EHBP1L1: variants seen among roughly 807,000 people sequenced by gnomAD.
The protein encoded by EHBP1L1 is EH domain binding protein 1 like 1, also known as EH domain-binding protein 1-like protein 1.
A neutral mutation model predicts 151.1 loss-of-function variants in EHBP1L1; 122 were observed. That is an observed-to-expected ratio of 0.81 (90% CI 0.70 to 0.94). EHBP1L1 has a LOEUF of 0.94. EHBP1L1 is among the 40% of genes least tolerant of loss of function. The probability of loss-of-function intolerance (pLI) is 0.00; values close to 1 mark genes in which losing one functional copy is unlikely to be tolerated. For synonymous variants in EHBP1L1, 878 were observed against 810.1 expected (o/e 1.08, Z -1.42); for missense variants, 1,941 against 1,959.8 (o/e 0.99, Z 0.18).
intron 1 of EHBP1L1, among the ~76,000 whole-genome samples, chr11:65,578,031 C>G (rs1025409263): frequency 2.0e-5 from 3 of 152,214 alleles, no homozygotes; most frequent in African/African-American, 4.8e-5. Context: ...ACATCTAACC[C>G]CAAGGGGCCC....
At position 65,581,568 on chromosome 11, in the gene EHBP1L1, C is replaced by T. The variant is rs146372559; in HGVS notation, c.896C>T (p.Ala299Val). ...TCAAGGCAGCCAGCCCAGGACACGGCCCCCACCCCAGCCCCTCGGCTCCGG... is the reference window on the plus strand; with the variant it reads ...TCAAGGCAGCCAGCCCAGGACACGGTCCCCACCCCAGCCCCTCGGCTCCGG... ...RSSRQPAQDT[A>V]PTPAPRLRKG... Residue 299 changes from alanine to valine, a missense_variant, in exon 9 of 19, where the codon GCC becomes GTC. Transcript: ENST00000309295. 4.6e-6 allele frequency: 7 copies of T among 1,510,052 alleles called. No individual in the cohort carries two copies. Among genetic ancestry groups the T allele is most frequent in the East Asian group, 2.4e-5 (1 of 42,460 alleles). 93.5% of individuals were successfully genotyped at this position (1,510,052 alleles called of 1,614,324 possible). A position where few individuals can be genotyped will look rare whatever the true frequency, so the allele number is the denominator to read the frequency against.
intron 3 of EHBP1L1, 122 bp downstream of exon 3, chr11:65,579,558 G>A (rs1857492827): frequency 2.5e-6 from 2 of 801,566 alleles, no homozygotes. Context: ...GTGAGGCCAA[G>A]AATTAGGGGG....
rs549422197 is a variant in EHBP1L1 at position 65,592,280 on chromosome 11, G to A, written c.4550G>A (p.Arg1517Gln). The change falls in exon 19 of 19, where the codon CGG becomes CAG. Residue 1517 changes from arginine (R) to glutamine (Q), a missense_variant. Physicochemically the swap from Arg to Gln is conservative, Grantham distance 43. Transcript: ENST00000309295. ...RRKLSRQLSR[R>Q]ERCVLS ...AAGCTGAGCCGGCAGTTGAGCCGGC[G>A]GGAGCGCTGCGTGCTGAGCTGAGGC... is the stretch of plus-strand genomic sequence containing the variant. 134 of 1,530,174 alleles carry A rather than the reference G, an allele frequency of 8.8e-5. 1 individual carries two copies. In the Admixed American group the frequency reaches 2.1e-3, roughly 23 times the overall value. The allele number at this position is 1,530,174 out of a possible 1,614,324, so 94.8% of individuals were successfully genotyped here. A position where few individuals can be genotyped will look rare whatever the true frequency, so the allele number is the denominator to read the frequency against.
Position 65,585,066 on chromosome 11 carries a change from G to C in EHBP1L1, c.3408G>C (p.Gln1136His). ...DKLIVMTYLC[Q>H]IRAFCTGQEL... is the part of the protein sequence containing the mutation. ...TCATCGTCATGACGTACCTGTGCCAGATCCGCGCCTTCTGCACCGGGCAGG... is the reference window on the plus strand; with the variant it reads ...TCATCGTCATGACGTACCTGTGCCACATCCGCGCCTTCTGCACCGGGCAGG... Residue 1136 changes from glutamine (Q) to histidine (H), a missense_variant, in exon 12 of 19, where the codon CAG becomes CAC. Transcript: ENST00000309295. The surrounding 1 kb of genome is among the most constrained non-coding windows in gnomAD (Gnocchi z 4.0). The C allele has an allele frequency of 6.5e-7, 1 of 1,543,866 alleles. No homozygotes were observed. Among genetic ancestry groups the C allele is most frequent in the Non-Finnish European group, 8.7e-7 (1 of 1,152,568 alleles).
At chr11:65,589,727 C>T in intron 12 of EHBP1L1, 24 bp from the exon 13 acceptor site, 1 of 1,517,332 alleles carries the variant, frequency 6.6e-7, no homozygotes, top group East Asian at 2.5e-5. Flanking sequence ...CCCTCCCAGC[C>T]CTCACTGGCC....
rs527239659 is a variant in EHBP1L1 at position 65,591,630 on chromosome 11, G to A, written c.4284-170G>A. ...CAATTGGAGAAAACAGAAGAAAAGCGATAATGTGGTCTGGAGACTAGAGGA... is the reference window on the plus strand; with the variant it reads ...CAATTGGAGAAAACAGAAGAAAAGCAATAATGTGGTCTGGAGACTAGAGGA... On this transcript the variant is annotated intron_variant, in intron 16 of 18. Transcript: ENST00000309295. The A allele has an allele frequency of 4.6e-4, 298 of 654,684 alleles. No homozygotes were observed. The African/African-American group carries it at 4.8e-3, about 11-fold the overall frequency. 40.6% of individuals were successfully genotyped at this position (654,684 alleles called of 1,614,324 possible). A position where few individuals can be genotyped will look rare whatever the true frequency, so the allele number is the denominator to read the frequency against.
rs1857908818 is a variant in EHBP1L1 at position 65,585,387 on chromosome 11, G to A, written c.3729G>A (p.Ala1243=). The A allele has an allele frequency of 7.7e-7, 1 of 1,298,344 alleles. No individual in the cohort carries two copies. 80.4% of individuals were successfully genotyped at this position (1,298,344 alleles called of 1,614,324 possible). A position where few individuals can be genotyped will look rare whatever the true frequency, so the allele number is the denominator to read the frequency against. ...CGGCCGAGGGGCTGGTGAACGGGGC[G>A]GGGGCACCGGGCGGCGGCGGCGTGA... The part of the protein sequence containing the change: ...EVPAEGLVNG[A]GAPGGGGVRL... Residue 1243 remains alanine, a synonymous_variant, in exon 12 of 19, where the codon GCG becomes GCA. Transcript: ENST00000309295. This position sits in a 1 kb window ranked among gnomAD's most constrained non-coding sequence, Gnocchi z 4.0.
In EHBP1L1 at chr11:65,576,287, C is replaced by T. The variant is rs766798007; in HGVS notation, c.-16C>T. The stretch of plus-strand genomic sequence containing the variant: ...AGCCCCGGGCCTGAGAAGTGGGCGG[C>T]GGGGTGGCGGGGGCCATGACCTCGG... On this transcript the variant is annotated 5_prime_UTR_variant, in exon 1 of 19. Coordinates refer to ENST00000309295, the MANE Select transcript of EHBP1L1 (RefSeq NM_001099409.3). The T allele has an allele frequency of 2.4e-5, 38 of 1,568,646 alleles. No homozygotes were observed. Among genetic ancestry groups the T allele is most frequent in the Non-Finnish European group, 3.2e-5 (37 of 1,160,248 alleles).
chr11:65,579,563 A>AG, intron 3 of EHBP1L1, 127 bp downstream of exon 3: 2 of 698,876 alleles, frequency 2.9e-6, no homozygotes, highest in South Asian at 2.3e-5. Flanking sequence ...GCCAAGAATT[A>AG]GGGGGGCCTG....
At chr11:65,587,143 GGT>G (rs1858010951) in intron 12 of EHBP1L1, among the ~76,000 whole-genome samples, 1 of 152,240 alleles carries the variant, frequency 6.6e-6, no homozygotes, top group African/African-American at 2.4e-5. Flanking sequence ...GGGAGGCAGA[GGT>G]GGGCAGATCA....
In EHBP1L1 at chr11:65,585,151, G is replaced by A. The variant is rs1188500002; in HGVS notation, c.3493G>A (p.Ala1165Thr). ...GGAGTYRVGS[A>T]QPSPPDDLDA... ...CGCCGGCACGTACCGCGTGGGCAGC[G>A]CCCAGCCCAGCCCGCCCGACGACCT... The change falls in exon 12 of 19, where the codon GCC becomes ACC. Residue 1165 changes from alanine (A) to threonine (T), a missense_variant. Ala to Thr is a moderately conservative substitution (Grantham distance 58). Transcript: ENST00000309295. This position sits in a 1 kb window ranked among gnomAD's most constrained non-coding sequence, Gnocchi z 4.0. 7.2e-6 allele frequency: 10 copies of A among 1,380,446 alleles called. No homozygotes were observed. The highest frequency in any genetic ancestry group is 1.5e-5 in the African/African-American group (1 of 64,572). The allele number at this position is 1,380,446 out of a possible 1,614,324, so 85.5% of individuals were successfully genotyped here.
chr11:65,584,641 G>A (rs1565127650), intron 11 of EHBP1L1, 107 bp downstream of exon 11: 2 of 1,416,910 alleles, frequency 1.4e-6, no homozygotes, highest in African/African-American at 2.9e-5. Flanking sequence ...GTGGCTTCTG[G>A]AAGTTCTGCC....
chr11:65,578,948 C>A, intron 1 of EHBP1L1, 130 bp from the exon 2 acceptor site: 1 of 901,964 alleles, frequency 1.1e-6, no homozygotes, highest in Non-Finnish European at 1.7e-6. Flanking sequence ...AGGCCCTCTT[C>A]TGGAGGAGGG....
rs2135285789 is a variant in EHBP1L1, at chr11:65,584,408, C to T, written c.3251+10C>T. Reference sequence around the variant, plus strand: ...TCTACCCAGACAAGATGTGAGCTGCCAGAGGGGTGGGAACGAATGGGGGAG... The same window carrying T: ...TCTACCCAGACAAGATGTGAGCTGCTAGAGGGGTGGGAACGAATGGGGGAG... On this transcript the variant is annotated intron_variant, in intron 10 of 18. Transcript: ENST00000309295. The T allele has an allele frequency of 6.2e-7, 1 of 1,613,352 alleles. No homozygotes were observed. The highest frequency in any genetic ancestry group is 8.5e-7 in the Non-Finnish European group (1 of 1,179,696).
At chr11:65,586,903 C>G (rs372167883) in intron 12 of EHBP1L1, among the ~76,000 whole-genome samples, 2 of 152,214 alleles carry the variant, frequency 1.3e-5, no homozygotes, top group Non-Finnish European at 2.9e-5. Flanking sequence ...AGGCCTTCCC[C>G]CAGCTCTTGT....
Position 65,576,398 on chromosome 11 carries a change from C to A in EHBP1L1, c.96C>A (p.Thr32=). 1 of 1,584,692 alleles carries A rather than the reference C, an allele frequency of 6.3e-7. No individual in the cohort carries two copies. Among genetic ancestry groups the A allele is most frequent in the Admixed American group, 1.8e-5 (1 of 55,290 alleles). The change falls in exon 1 of 19, where the codon ACC becomes ACA. Residue 32 remains threonine, a synonymous_variant. Coordinates refer to ENST00000309295, the MANE Select transcript of EHBP1L1 (RefSeq NM_001099409.3). Reference sequence around the variant, plus strand: ...ACCACGAGCTAGTGTTGGAGTGCACCAAGAAATGGTGAGTGGGAGGGAGGC... The same window carrying A: ...ACCACGAGCTAGTGTTGGAGTGCACAAAGAAATGGTGAGTGGGAGGGAGGC... ...ACYHELVLEC[T]KKWQPDKLVV... is the part of the protein sequence containing the mutation.
intron 12 of EHBP1L1, 92 bp from the exon 13 acceptor site, chr11:65,589,659 C>T: frequency 6.3e-6 from 9 of 1,435,446 alleles, no homozygotes; most frequent in Non-Finnish European, 8.2e-6. Context: ...GTCAAGGACC[C>T]CTCCTCCCCT....
chr11:65,580,278 T>C lies in EHBP1L1; in HGVS notation c.491+19T>C. 1.2e-6 allele frequency: 2 copies of C among 1,613,124 alleles called. No individual in the cohort carries two copies. Among genetic ancestry groups the C allele is most frequent in the Admixed American group, 1.7e-5 (1 of 60,014 alleles). On this transcript the variant is annotated intron_variant, in intron 5 of 18. Coordinates refer to ENST00000309295, the MANE Select transcript of EHBP1L1 (RefSeq NM_001099409.3). ...GTGCCACGTGAGTGCCTACCTGCCC[T>C]CCTTGATCCTGGCCTGTGACCTCTG...
intron 6 of EHBP1L1, chr11:65,580,794 C>A: frequency 1.2e-6 from 1 of 865,618 alleles, no homozygotes; most frequent in Non-Finnish European, 1.7e-6. Flanking sequence ...CTCCTGATCC[C>A]TCACCACCAG....
Sources: gnomAD v4.1 joint callset for allele counts (sites outside exome capture counted in the v4.1 genomes callset) on GRCh38, gnomAD v4.1.1 for gene constraint, Gnocchi (gnomAD v3.1) non-coding constraint, MANE v1.5 for transcripts, NCBI Gene and HGNC (gene_info 2026-07-23, HGNC 2026-07-21) for gene names.